ARHGEF10L: variants seen among roughly 807,000 people sequenced by gnomAD.
ARHGEF10L encodes Rho guanine nucleotide exchange factor 10 like.
A neutral mutation model predicts 141.2 loss-of-function variants in ARHGEF10L; 69 were observed. The observed-to-expected ratio is 0.49, with a 90% CI of 0.40 to 0.60. The LOEUF (loss-of-function observed/expected upper bound fraction) is 0.60. Ranked by LOEUF, ARHGEF10L falls within the 20% of genes least tolerant of loss-of-function variation. The pLI, the probability that ARHGEF10L is intolerant of heterozygous loss-of-function variation, is 0.00. For missense variants in ARHGEF10L, 1,482 were observed against 1,734.3 expected (o/e 0.85, Z 2.58); for synonymous variants, 711 against 718.5 (o/e 0.99, Z 0.17).
At chr1:17,624,286 GCTCCCTGCCTTGAGGCGGC>G in intron 12 of ARHGEF10L, 82 bp from the exon 13 acceptor site, 1 of 878,420 alleles carries the variant, frequency 1.1e-6, no homozygotes, top group Non-Finnish European at 1.9e-6. Flanking sequence ...GCGCCCTTCT[GCTCCCTGCCTTGAGGCGGC>G]CTCCCTGGCC....
intron 18 of ARHGEF10L, among the ~76,000 whole-genome samples, chr1:17,636,501 T>C (rs3753377): frequency 0.24 from 35,781 of 152,138 alleles, 5,647 homozygotes; most frequent in African/African-American, 0.45. Context: ...AACCAATTTG[T>C]TCACAGTGTG....
chr1:17,530,172 T>A, the ARHGEF10L span, among the ~76,000 whole-genome samples: 9 of 152,040 alleles, frequency 5.9e-5, no homozygotes, highest in African/African-American at 2.2e-4. Flanking sequence ...GCTCCTGGAA[T>A]GGTGCTGGGC....
At position 17,654,769 on chromosome 1, in the gene ARHGEF10L, A is replaced by G; in HGVS notation, c.2481+47A>G. ...CTGGGCATTCTGGCCTCAGGACAGG[A>G]GTAGGGAGAGCGGCACCTGGGAGGG... On this transcript the variant is annotated intron_variant, in intron 23 of 28. Transcript: ENST00000361221. The surrounding 1 kb of genome is among the most constrained non-coding windows in gnomAD (Gnocchi z 4.3). The G allele has an allele frequency of 1.9e-6, 3 of 1,557,694 alleles. No homozygotes were observed. Among genetic ancestry groups the G allele is most frequent in the Non-Finnish European group, 2.7e-6 (3 of 1,131,964 alleles).
chr1:17,634,381 C>T (rs979328317), intron 16 of ARHGEF10L, 167 bp from the exon 17 acceptor site: 22 of 1,091,736 alleles, frequency 2.0e-5, no homozygotes, highest in Non-Finnish European at 3.0e-5. Flanking sequence ...GGAAGGCCCG[C>T]TTCTGTCCAC....
In ARHGEF10L at chr1:17,627,141, T is replaced by A. The variant is rs1192943568; in HGVS notation, c.1411-189T>A. ...CTATTCCTAGAAAGATCCATGCTTT[T>A]GTTTTCTTTTTCATGCATTAGCTGT... On this transcript the variant is annotated intron_variant, in intron 14 of 28. Transcript: ENST00000361221. This position sits in a 1 kb window ranked among gnomAD's most constrained non-coding sequence, Gnocchi z 4.0. Among the ~76,000 whole-genome samples the A allele has an allele frequency of 6.6e-6, 1 of 152,270 alleles. No individual in the cohort carries two copies. The highest frequency in any genetic ancestry group is 1.5e-5 in the Non-Finnish European group (1 of 68,054).
chr1:17,526,254 G>A, the ARHGEF10L span, among the ~76,000 whole-genome samples: 2 of 152,158 alleles, frequency 1.3e-5, no homozygotes, highest in East Asian at 1.9e-4. Context: ...TATTGCTTCC[G>A]ATATTCAGGG....
At chr1:17,565,614 C>G (rs188413844) in intron 1 of ARHGEF10L, among the ~76,000 whole-genome samples, 4 of 152,154 alleles carry the variant, frequency 2.6e-5, no homozygotes, top group Non-Finnish European at 4.4e-5. Context: ...CCTTCTGGAC[C>G]GCCAGTGGCT....
At chr1:17,626,460 T>C (rs540334472) in intron 14 of ARHGEF10L, among the ~76,000 whole-genome samples, 2 of 152,222 alleles carry the variant, frequency 1.3e-5, no homozygotes, top group East Asian at 1.9e-4. Flanking sequence ...CTTGGGACAC[T>C]GTCCCAACCA....
At chr1:17,533,695 G>GCC in the ARHGEF10L span, among the ~76,000 whole-genome samples, 1 of 152,138 alleles carries the variant, frequency 6.6e-6, no homozygotes, top group Non-Finnish European at 1.5e-5. Flanking sequence ...GTGCATCCCA[G>GCC]CCCCCCTCAA....
Position 17,656,480 on chromosome 1 carries a change from A to G in ARHGEF10L, c.2706-74A>G, listed in dbSNP as rs983575038. The G allele has an allele frequency of 6.5e-7, 1 of 1,529,308 alleles. No homozygotes were observed. The highest frequency in any genetic ancestry group is 1.4e-5 in the African/African-American group (1 of 73,550). 94.7% of individuals were successfully genotyped at this position (1,529,308 alleles called of 1,614,324 possible). A position where few individuals can be genotyped will look rare whatever the true frequency, so the allele number is the denominator to read the frequency against. On this transcript the variant is annotated intron_variant, in intron 24 of 28. Transcript: ENST00000361221. This position sits in a 1 kb window ranked among gnomAD's most constrained non-coding sequence, Gnocchi z 4.9. ...GTCAGCTCCCTGGGGCCCTCTCCCT[A>G]GGAGGGCATGGGGGCAGTGAGTGGG...
At chr1:17,659,989 G>A (rs114777317) in intron 25 of ARHGEF10L, among the ~76,000 whole-genome samples, 3,162 of 152,330 alleles carry the variant, frequency 0.021, 114 homozygotes, top group African/African-American at 0.072. Flanking sequence ...CAAGAGCAAT[G>A]TGGCCATGGC....
intron 1 of ARHGEF10L, among the ~76,000 whole-genome samples, chr1:17,541,954 T>C (rs74328988): frequency 0.081 from 12,194 of 150,182 alleles, 556 homozygotes; most frequent in African/African-American, 0.11. Flanking sequence ...GTGACAAGAG[T>C]GAAACTCCAT....
chr1:17,633,470 A>T (rs2060822431), intron 16 of ARHGEF10L, among the ~76,000 whole-genome samples: 1 of 151,804 alleles, frequency 6.6e-6, no homozygotes, highest in Non-Finnish European at 1.5e-5. Flanking sequence ...CAGCCTCCCG[A>T]GTAGCTGGGA....
chr1:17,655,211 C>T (rs1025269459), intron 23 of ARHGEF10L, among the ~76,000 whole-genome samples: 18 of 152,208 alleles, frequency 1.2e-4, no homozygotes, highest in African/African-American at 3.9e-4. Context: ...ATTTGTTCCT[C>T]ATCATTTCCC....
At chr1:17,634,778 G>T in intron 17 of ARHGEF10L, 57 bp from the exon 18 acceptor site, 1 of 1,538,176 alleles carries the variant, frequency 6.5e-7, no homozygotes, top group Non-Finnish European at 8.8e-7. Flanking sequence ...CCCTGGGCCA[G>T]CCCTGGGGCA....
chr1:17,607,899 C>T lies in ARHGEF10L; in HGVS notation c.531C>T (p.Tyr177=). The change falls in exon 7 of 29, where the codon TAC becomes TAT. Residue 177 remains tyrosine (Y), a synonymous_variant. Coordinates refer to ENST00000361221, the MANE Select transcript of ARHGEF10L (RefSeq NM_018125.4). This position sits in a 1 kb window ranked among gnomAD's most constrained non-coding sequence, Gnocchi z 4.5. ...LGWSSSEFES[Y]SEDSGEEAKP... ...GGAGCTCCAGTGAGTTCGAGAGCTA[C>T]AGCGAGGACTCGGGGGAGGAGGCCA... 1.3e-6 allele frequency: 2 copies of T among 1,559,470 alleles called. No individual in the cohort carries two copies. Among genetic ancestry groups the T allele is most frequent in the Non-Finnish European group, 1.7e-6 (2 of 1,156,074 alleles).
At chr1:17,693,385 G>T (rs1569856103) in intron 27 of ARHGEF10L, among the ~76,000 whole-genome samples, 1 of 152,218 alleles carries the variant, frequency 6.6e-6, no homozygotes. Context: ...GGAGGTAAAT[G>T]GATTGGTGAT....
intron 28 of ARHGEF10L, 101 bp from the exon 29 acceptor site, chr1:17,696,747 C>T (rs756761772): frequency 5.1e-5 from 66 of 1,295,124 alleles, no homozygotes; most frequent in Non-Finnish European, 6.7e-5. Context: ...AGTGACCCCC[C>T]CAAATACCCA....
chr1:17,587,996 C>T (rs1018547575), intron 3 of ARHGEF10L, among the ~76,000 whole-genome samples: 5 of 152,210 alleles, frequency 3.3e-5, no homozygotes, highest in African/African-American at 9.6e-5. Context: ...GGTTCCCTCT[C>T]CTGTCTGCCT....
Sources: gnomAD v4.1 joint callset for allele counts (sites outside exome capture counted in the v4.1 genomes callset) on GRCh38, gnomAD v4.1.1 for gene constraint, Gnocchi (gnomAD v3.1) non-coding constraint, MANE v1.5 for transcripts, NCBI Gene and HGNC (gene_info 2026-07-23, HGNC 2026-07-21) for gene names.